Variants in CRTC1 observed in about 807,000 individuals in gnomAD.
CRTC1 encodes CREB regulated transcription coactivator 1.
CRTC1 carries 18 observed loss-of-function variants against 66.1 expected under a neutral mutation model. The ratio of observed to expected loss-of-function variants is 0.27; its 90% CI spans 0.19 to 0.40. The LOEUF is 0.40. Among genes scored for constraint, CRTC1 ranks in the 10% least tolerant of loss-of-function variants. The pLI, the probability that CRTC1 is intolerant of heterozygous loss-of-function variation, is 1.00. For missense variants in CRTC1, 669 were observed against 887.9 expected (o/e 0.75, Z 3.13); for synonymous variants, 416 against 398.8 (o/e 1.04, Z -0.51).
intron 1 of CRTC1, among the ~76,000 whole-genome samples, chr19:18,702,068 C>T (rs1332833094): frequency 6.6e-6 from 1 of 151,342 alleles, no homozygotes; most frequent in East Asian, 1.9e-4. Flanking sequence ...GGATTATAGG[C>T]GTGTACCACC....
At chr19:18,689,167 G>A (rs1000634978) in intron 1 of CRTC1, among the ~76,000 whole-genome samples, 37 of 151,772 alleles carry the variant, frequency 2.4e-4, no homozygotes, top group Admixed American at 4.6e-4. Context: ...GGCTGGTCTC[G>A]AACTCCTGAC....
intron 5 of CRTC1, among the ~76,000 whole-genome samples, chr19:18,751,314 G>A (rs557670131): frequency 2.6e-5 from 4 of 152,100 alleles, no homozygotes; most frequent in Admixed American, 6.5e-5. Flanking sequence ...ACAAGGCCAG[G>A]AGTTTGAGAC....
intron 1 of CRTC1, among the ~76,000 whole-genome samples, chr19:18,689,709 T>A (rs74628654): frequency 8.0e-5 from 12 of 150,306 alleles, no homozygotes; most frequent in Non-Finnish European, 1.3e-4. Context: ...TATTCCATGG[T>A]GTGGGTCTAC....
At chr19:18,763,827 A>G (rs2054668305) in intron 8 of CRTC1, among the ~76,000 whole-genome samples, 1 of 152,026 alleles carries the variant, frequency 6.6e-6, no homozygotes, top group Non-Finnish European at 1.5e-5. Flanking sequence ...TCTGCTTCTG[A>G]CCTGGGCACT....
intron 1 of CRTC1, among the ~76,000 whole-genome samples, chr19:18,692,692 TG>T (rs1410166275): frequency 5.3e-5 from 8 of 151,602 alleles, no homozygotes; most frequent in Middle Eastern, 3.4e-3. Flanking sequence ...ACCCTCAGCG[TG>T]TGTGAAACCA....
chr19:18,709,986 C>T (rs893093293), intron 1 of CRTC1, among the ~76,000 whole-genome samples: 4 of 152,170 alleles, frequency 2.6e-5, no homozygotes, highest in Non-Finnish European at 4.4e-5. Flanking sequence ...CCACAAAGCT[C>T]AGCTCTCTTG....
intron 3 of CRTC1, 121 bp from the exon 4 acceptor site, chr19:18,746,932 A>C: frequency 1.2e-6 from 1 of 819,088 alleles, no homozygotes; most frequent in East Asian, 2.5e-5. Flanking sequence ...TACTGGTCCC[A>C]GCTGTTTGCA....
chr19:18,720,442 C>T (rs918043875), intron 1 of CRTC1, among the ~76,000 whole-genome samples: 7 of 151,804 alleles, frequency 4.6e-5, no homozygotes, highest in East Asian at 1.9e-4. Context: ...CTCCGCCTTC[C>T]GGGTTCACGC....
chr19:18,722,786 C>G (rs911411408), intron 1 of CRTC1, among the ~76,000 whole-genome samples: 7 of 152,166 alleles, frequency 4.6e-5, no homozygotes, highest in African/African-American at 1.7e-4. Context: ...TTTCCACTCC[C>G]AGCCCCAGGC....
chr19:18,758,083 C>G (rs1368858429), intron 6 of CRTC1, among the ~76,000 whole-genome samples: 1 of 151,318 alleles, frequency 6.6e-6, no homozygotes, highest in Non-Finnish European at 1.5e-5. Flanking sequence ...GCGGAAGAGG[C>G]CAGGCACCGT....
chr19:18,757,043 G>A (rs2054504831), intron 6 of CRTC1, among the ~76,000 whole-genome samples: 1 of 152,228 alleles, frequency 6.6e-6, no homozygotes, highest in Admixed American at 6.5e-5. Flanking sequence ...GCTGCGGGTT[G>A]GGCATTGCCC....
At position 18,689,564 on chromosome 19, in the gene CRTC1, C is replaced by CATATATATATATATATATATAT. The variant is rs10616884; in HGVS notation, c.126+5737_126+5758dup. Among the ~76,000 whole-genome samples the CATATATATATATATATATATAT allele has an allele frequency of 2.9e-3, 111 of 38,298 alleles. 1 individual carries two copies. Among genetic ancestry groups the CATATATATATATATATATATAT allele is most frequent in the African/African-American group, 0.012 (44 of 3,526 alleles). The allele number at this position is 38,298 out of a possible 152,430, so 25.1% of individuals were successfully genotyped here. A position where few individuals can be genotyped will look rare whatever the true frequency, so the allele number is the denominator to read the frequency against. ...CATCTCAAAAAAAAAAATTGATGGC[C>CATATATATATATATATATATAT]ATATATATATATATATATATATGTA... On this transcript the variant is annotated intron_variant, in intron 1 of 13. Coordinates refer to ENST00000321949, the MANE Select transcript of CRTC1 (RefSeq NM_015321.3).
At chr19:18,757,857 A>T (rs906259975) in intron 6 of CRTC1, among the ~76,000 whole-genome samples, 1 of 151,420 alleles carries the variant, frequency 6.6e-6, no homozygotes. Context: ...TCTACTAAAA[A>T]TACAAAAAAA....
At position 18,745,986 on chromosome 19, in the gene CRTC1, GT is replaced by G. The variant is rs781308901; in HGVS notation, c.381+27del. On this transcript the variant is annotated intron_variant, in intron 3 of 13. Coordinates refer to ENST00000321949, the MANE Select transcript of CRTC1 (RefSeq NM_015321.3). ...ATATCCTTTTCACCAGAGGATGAGG[GT>G]GGGGGCCAGGCCCTGTCGGTGCCGG... The G allele has an allele frequency of 1.4e-5, 23 of 1,592,092 alleles. No individual in the cohort carries two copies. In the African/African-American group the frequency reaches 3.1e-4, roughly 21 times the overall value.
chr19:18,755,815 C>G (rs1468888529), intron 6 of CRTC1, among the ~76,000 whole-genome samples: 1 of 151,584 alleles, frequency 6.6e-6, no homozygotes, highest in East Asian at 2.0e-4. Context: ...GTTGCCCAGG[C>G]TGGTCTCGAA....
In CRTC1 at chr19:18,746,971, C is replaced by T. The variant is rs373997198; in HGVS notation, c.382-82C>T. ...CTCAGGCCGACCCCAGCCAGCCAGCCGGGGCTTCCTGCCCTGGGCTGAGAG... is the reference window on the plus strand; with the variant it reads ...CTCAGGCCGACCCCAGCCAGCCAGCTGGGGCTTCCTGCCCTGGGCTGAGAG... On this transcript the variant is annotated intron_variant, in intron 3 of 13. Transcript: ENST00000321949. 2.4e-3 allele frequency: 3,309 copies of T among 1,382,394 alleles called. 8 individuals are homozygous for T. The highest frequency in any genetic ancestry group is 3.1e-3 in the Non-Finnish European group (3,011 of 974,774). The allele number at this position is 1,382,394 out of a possible 1,614,324, so 85.6% of individuals were successfully genotyped here. A position where few individuals can be genotyped will look rare whatever the true frequency, so the allele number is the denominator to read the frequency against.
intron 1 of CRTC1, among the ~76,000 whole-genome samples, chr19:18,719,597 G>C (rs1410157143): frequency 6.6e-6 from 1 of 152,252 alleles, no homozygotes; most frequent in Non-Finnish European, 1.5e-5. Flanking sequence ...GTCCTGGGGG[G>C]AGGCAGCGTC....
chr19:18,721,961 A>G (rs2053638513), intron 1 of CRTC1, among the ~76,000 whole-genome samples: 1 of 152,178 alleles, frequency 6.6e-6, no homozygotes, highest in African/African-American at 2.4e-5. Flanking sequence ...TCTGCCCAGG[A>G]GGTGCTGTGA....
At position 18,768,880 on chromosome 19, in the gene CRTC1, T is replaced by G. The variant is rs1238361378; in HGVS notation, c.1320+87T>G. The G allele has an allele frequency of 6.8e-7, 1 of 1,467,812 alleles. No individual in the cohort carries two copies. Among genetic ancestry groups the G allele is most frequent in the Non-Finnish European group, 9.1e-7 (1 of 1,103,894 alleles). 90.9% of individuals were successfully genotyped at this position (1,467,812 alleles called of 1,614,324 possible). Reference sequence around the variant, plus strand: ...GCTGCAGAACAGTCGGGTTACCTGCTGCATGGGCCAGGGGTCAGAACCCCA... The same window carrying G: ...GCTGCAGAACAGTCGGGTTACCTGCGGCATGGGCCAGGGGTCAGAACCCCA... On this transcript the variant is annotated intron_variant, in intron 10 of 13. Coordinates refer to ENST00000321949, the MANE Select transcript of CRTC1 (RefSeq NM_015321.3). This position sits in a 1 kb window ranked among gnomAD's most constrained non-coding sequence, Gnocchi z 5.6.
Sources: gnomAD v4.1 joint callset for allele counts (sites outside exome capture counted in the v4.1 genomes callset) on GRCh38, gnomAD v4.1.1 for gene constraint, Gnocchi (gnomAD v3.1) non-coding constraint, MANE v1.5 for transcripts, NCBI Gene and HGNC (gene_info 2026-07-23, HGNC 2026-07-21) for gene names.